Variants in ROBO1 observed in about 807,000 individuals in gnomAD.
The protein encoded by ROBO1 is roundabout guidance receptor 1, also known as roundabout homolog 1.
ROBO1 carries 149 observed loss-of-function variants against 195.9 expected under a neutral mutation model. That is an observed-to-expected ratio of 0.76 (90% CI 0.67 to 0.87). ROBO1 has a LOEUF of 0.87. ROBO1 is among the 40% of genes least tolerant of loss of function. The pLI is 0.00. For missense variants in ROBO1, 1,933 were observed against 2,068.3 expected, an observed-to-expected ratio of 0.93 and a Z score of 1.27; for synonymous variants, 816 against 733.2, an observed-to-expected ratio of 1.11 and a Z score of -1.82.
At chr3:79,480,861 TATG>T (rs1938811743) in intron 2 of ROBO1, among the ~76,000 whole-genome samples, 1 of 152,132 alleles carries the variant, frequency 6.6e-6, no homozygotes, top group Non-Finnish European at 1.5e-5. Flanking sequence ...CACTATTACA[TATG>T]ATTTCATTTT....
chr3:79,448,495 G>T lies in ROBO1; in HGVS notation c.88+141329C>A, dbSNP rs940490265. On this transcript the variant is annotated intron_variant, in intron 2 of 30. Transcript: ENST00000464233. Reference sequence around the variant, plus strand: ...TAGCATTAGTACTTATTATTAATTAGCAGTTTATTTGTTGATAATGTCTGC... The same window carrying T: ...TAGCATTAGTACTTATTATTAATTATCAGTTTATTTGTTGATAATGTCTGC... Among the ~76,000 whole-genome samples, 5 of 152,060 alleles carry T rather than the reference G, an allele frequency of 3.3e-5. No homozygotes were observed. In the South Asian group the frequency reaches 1.0e-3, roughly 32 times the overall value.
At chr3:79,699,863 G>T (rs539271524) in intron 1 of ROBO1, among the ~76,000 whole-genome samples, 1 of 151,532 alleles carries the variant, frequency 6.6e-6, no homozygotes, top group African/African-American at 2.4e-5. Flanking sequence ...TTAGAGTCAC[G>T]GAGTGTATGT....
intron 3 of ROBO1, among the ~76,000 whole-genome samples, chr3:79,095,438 C>CA (rs2079549637): frequency 6.6e-6 from 1 of 151,910 alleles, no homozygotes; most frequent in Non-Finnish European, 1.5e-5. Flanking sequence ...TTCCATGTTT[C>CA]AAAAAACTGA....
chr3:79,440,642 G>A (rs988647182), intron 2 of ROBO1, among the ~76,000 whole-genome samples: 1 of 152,014 alleles, frequency 6.6e-6, no homozygotes, highest in Non-Finnish European at 1.5e-5. Flanking sequence ...AGTTGTCTGC[G>A]CATTTGCTCC....
At chr3:78,713,347 A>AC (rs1164864274) in intron 8 of ROBO1, among the ~76,000 whole-genome samples, 2 of 152,108 alleles carry the variant, frequency 1.3e-5, no homozygotes, top group African/African-American at 4.8e-5. Flanking sequence ...CTCAAAAGCC[A>AC]CCTTTTTTTT....
At chr3:79,752,373 T>C (rs1378985932) in intron 1 of ROBO1, among the ~76,000 whole-genome samples, 1 of 152,158 alleles carries the variant, frequency 6.6e-6, no homozygotes, top group East Asian at 1.9e-4. Context: ...GCAATGGACA[T>C]AGAGTCACCC....
At position 78,695,785 on chromosome 3, in the gene ROBO1, C is replaced by T. The variant is rs112326695; in HGVS notation, c.1046-7013G>A. On this transcript the variant is annotated intron_variant, in intron 8 of 30. Coordinates refer to ENST00000464233, the MANE Select transcript of ROBO1 (RefSeq NM_002941.4). ...GAATGGTCATTTAAGCTTTTAACAACTCTGATTATCAAGAAACCAATCCTG... is the reference window on the plus strand; with the variant it reads ...GAATGGTCATTTAAGCTTTTAACAATTCTGATTATCAAGAAACCAATCCTG... 7.7e-3 allele frequency among the ~76,000 whole-genome samples: 1,176 copies of T among 152,034 alleles called. 8 individuals are homozygous for T. The highest frequency in any genetic ancestry group is 0.027 in the African/African-American group (1,125 of 41,484).
At chr3:79,392,908 AG>A (rs935970409) in intron 2 of ROBO1, among the ~76,000 whole-genome samples, 1 of 152,248 alleles carries the variant, frequency 6.6e-6, no homozygotes, top group Non-Finnish European at 1.5e-5. Context: ...GAGTTGCCCA[AG>A]GTCACAAATT....
chr3:79,697,923 G>GA (rs1947494690), intron 1 of ROBO1, among the ~76,000 whole-genome samples: 1 of 151,010 alleles, frequency 6.6e-6, no homozygotes, highest in African/African-American at 2.4e-5. Context: ...CCATTTAAAT[G>GA]AAAAATCACT....
Position 78,693,862 on chromosome 3 carries a change from C to T in ROBO1, c.1046-5090G>A, listed in dbSNP as rs536683089. ...GAAACTGAAATCCATGCTTCTCATA[C>T]GCAAATAGGCATGAGTCACCCTGGG... On this transcript the variant is annotated intron_variant, in intron 8 of 30. Coordinates refer to ENST00000464233, the MANE Select transcript of ROBO1 (RefSeq NM_002941.4). Among the ~76,000 whole-genome samples the T allele has an allele frequency of 1.7e-4, 26 of 152,172 alleles. No homozygotes were observed. In the South Asian group the frequency reaches 2.7e-3, roughly 16 times the overall value.
At chr3:78,952,902 C>A (rs1041556643) in intron 3 of ROBO1, among the ~76,000 whole-genome samples, 4 of 151,986 alleles carry the variant, frequency 2.6e-5, no homozygotes, top group Admixed American at 6.6e-5. Flanking sequence ...TTTAGAATAA[C>A]CCTAATAATT....
intron 3 of ROBO1, among the ~76,000 whole-genome samples, chr3:79,102,288 G>T (rs1322799426): frequency 6.6e-6 from 1 of 151,596 alleles, no homozygotes; most frequent in African/African-American, 2.4e-5. Flanking sequence ...TCAGTTAAGG[G>T]AATGTGTTTT....
intron 27 of ROBO1, among the ~76,000 whole-genome samples, chr3:78,616,921 T>C (rs561370246): frequency 6.6e-6 from 1 of 152,200 alleles, no homozygotes; most frequent in African/African-American, 2.4e-5. Context: ...TAAAGATGAA[T>C]ATATGGTAAT....
intron 2 of ROBO1, among the ~76,000 whole-genome samples, chr3:79,210,013 G>C (rs1008823397): frequency 6.6e-6 from 1 of 152,068 alleles, no homozygotes; most frequent in African/African-American, 2.4e-5. Context: ...GGAGGCAAAA[G>C]ATCTCTACAA....
intron 2 of ROBO1, among the ~76,000 whole-genome samples, chr3:79,162,057 T>C (rs1208251031): frequency 5.3e-5 from 8 of 152,144 alleles, no homozygotes; most frequent in Admixed American, 2.6e-4. Flanking sequence ...CATTTTTTTT[T>C]CTACTGTTTT....
intron 1 of ROBO1, among the ~76,000 whole-genome samples, chr3:79,674,299 CTG>C (rs1484329309): frequency 6.6e-6 from 1 of 151,896 alleles, no homozygotes; most frequent in Non-Finnish European, 1.5e-5. Context: ...GGACTTAACA[CTG>C]AAGAACACGT....
chr3:78,874,030 T>C (rs973991179), intron 4 of ROBO1, among the ~76,000 whole-genome samples: 2 of 152,090 alleles, frequency 1.3e-5, no homozygotes, highest in South Asian at 4.1e-4. Flanking sequence ...TTTTTTTTAA[T>C]GATATGTGAC....
intron 2 of ROBO1, among the ~76,000 whole-genome samples, chr3:79,525,909 C>T (rs1220760985): frequency 1.3e-5 from 2 of 152,026 alleles, no homozygotes; most frequent in East Asian, 3.9e-4. Flanking sequence ...AGCGCCTGAC[C>T]CCAAAACTCT....
At chr3:79,019,333 G>A (rs1372266536) in intron 3 of ROBO1, 2 of 985,592 alleles carry the variant, frequency 2.0e-6, no homozygotes. Context: ...TCCCCGGGGT[G>A]GCAGAGAAGG....
Sources: gnomAD v4.1 joint callset for allele counts (sites outside exome capture counted in the v4.1 genomes callset) on GRCh38, gnomAD v4.1.1 for gene constraint, MANE v1.5 for transcripts, NCBI Gene and HGNC (gene_info 2026-07-23, HGNC 2026-07-21) for gene names.